The following AGBL4 variants were observed in gnomAD, a reference collection of about 807,000 sequenced individuals.
AGBL4 encodes cytosolic carboxypeptidase 6.
A neutral mutation model predicts 66.4 loss-of-function variants in AGBL4; 58 were observed. The ratio of observed to expected loss-of-function variants is 0.87; its 90% CI spans 0.71 to 1.09. The LOEUF (loss-of-function observed/expected upper bound fraction) is 1.09, where lower values mean the gene tolerates loss of function less well. Among genes scored for constraint, AGBL4 ranks in the 50% least tolerant of loss-of-function variants. The probability of loss-of-function intolerance (pLI) is 0.00; values close to 1 mark genes in which losing one functional copy is unlikely to be tolerated. For missense variants in AGBL4, 579 were observed against 631.0 expected, an observed-to-expected ratio of 0.92 and a Z score of 0.88; for synonymous variants, 234 against 222.9, an observed-to-expected ratio of 1.05 and a Z score of -0.44.
chr1:49,128,923 A>C (rs1645823833), intron 4 of AGBL4, among the ~76,000 whole-genome samples: 1 of 152,148 alleles, frequency 6.6e-6, no homozygotes, highest in Admixed American at 6.6e-5. Flanking sequence ...AGAAAATGCA[A>C]AATAAAGCCA....
chr1:49,750,830 A>G (rs887414772), intron 2 of AGBL4, among the ~76,000 whole-genome samples: 9 of 151,960 alleles, frequency 5.9e-5, no homozygotes, highest in Non-Finnish European at 8.8e-5. Context: ...ATTCCTAGGT[A>G]TTTTATTCTC....
chr1:48,699,348 A>G (rs1024925199), intron 6 of AGBL4, among the ~76,000 whole-genome samples: 2 of 152,242 alleles, frequency 1.3e-5, no homozygotes, highest in Admixed American at 1.3e-4. Context: ...AATTCTTGGC[A>G]CATAGTAGGC....
chr1:49,623,567 C>T (rs1220112543), intron 3 of AGBL4, among the ~76,000 whole-genome samples: 1 of 152,164 alleles, frequency 6.6e-6, no homozygotes, highest in Non-Finnish European at 1.5e-5. Context: ...TTTACAAGGT[C>T]CTTTTACCCG....
rs574820274 is a variant in AGBL4 at position 49,379,737 on chromosome 1, T to A, written c.283-133873A>T. On this transcript the variant is annotated intron_variant, in intron 3 of 13. Coordinates refer to ENST00000371839, the MANE Select transcript of AGBL4 (RefSeq NM_032785.4). ...CATCCCAGGGATGAAGCCCACTTGATCATGGTGGATAAGCTTTTTGATGTG... is the reference window on the plus strand; with the variant it reads ...CATCCCAGGGATGAAGCCCACTTGAACATGGTGGATAAGCTTTTTGATGTG... Among the ~76,000 whole-genome samples the A allele has an allele frequency of 5.9e-5, 9 of 152,236 alleles. No homozygotes were observed. The East Asian group carries it at 1.7e-3, about 29-fold the overall frequency.
intron 1 of AGBL4, among the ~76,000 whole-genome samples, chr1:49,990,294 A>G (rs945291371): frequency 5.9e-5 from 9 of 152,116 alleles, no homozygotes; most frequent in African/African-American, 2.2e-4. Flanking sequence ...GTGTTGAGAG[A>G]GGAAACTGGT....
intron 3 of AGBL4, among the ~76,000 whole-genome samples, chr1:49,646,331 G>A (rs1049320232): frequency 2.6e-5 from 4 of 151,874 alleles, no homozygotes; most frequent in Admixed American, 6.6e-5. Context: ...TAATAAGTGA[G>A]CTCAGCAAGA....
intron 3 of AGBL4, among the ~76,000 whole-genome samples, chr1:49,672,074 T>C (rs1408866721): frequency 6.6e-6 from 1 of 152,010 alleles, no homozygotes; most frequent in Admixed American, 6.6e-5. Flanking sequence ...AGCACAGACA[T>C]AGAATCAACC....
Position 48,534,161 on chromosome 1 carries a change from G to C in AGBL4, c.*12C>G. 1 of 1,551,438 alleles carries C rather than the reference G, an allele frequency of 6.4e-7. No individual in the cohort carries two copies. Among genetic ancestry groups the C allele is most frequent in the Non-Finnish European group, 8.7e-7 (1 of 1,146,850 alleles). On this transcript the variant is annotated 3_prime_UTR_variant, in exon 14 of 14. Coordinates refer to ENST00000371839, the MANE Select transcript of AGBL4 (RefSeq NM_032785.4). The stretch of plus-strand genomic sequence containing the variant: ...CTCCTGTCCCCATAAGACCTCCCAG[G>C]ACTCCGTGTCTTTAAAAAGGGGTTG...
At chr1:49,343,794 C>A (rs1645587257) in intron 3 of AGBL4, among the ~76,000 whole-genome samples, 1 of 152,122 alleles carries the variant, frequency 6.6e-6, no homozygotes, top group South Asian at 2.1e-4. Context: ...TGAATGAGCT[C>A]TGATTAACTG....
intron 2 of AGBL4, among the ~76,000 whole-genome samples, chr1:49,746,634 T>A (rs1651007894): frequency 6.6e-6 from 1 of 152,092 alleles, no homozygotes; most frequent in South Asian, 2.1e-4. Context: ...AGATCTTTGA[T>A]GATGTGCTAA....
chr1:49,654,968 A>T (rs968599340), intron 3 of AGBL4, among the ~76,000 whole-genome samples: 3 of 152,148 alleles, frequency 2.0e-5, no homozygotes, highest in Non-Finnish European at 2.9e-5. Context: ...TGTCATGATG[A>T]TGTTAGCTGG....
At chr1:48,586,867 A>G in intron 11 of AGBL4, 137 bp downstream of exon 11, 2 of 1,127,224 alleles carry the variant, frequency 1.8e-6, no homozygotes, top group Non-Finnish European at 2.6e-6. Context: ...AGACGCCACC[A>G]GAAGAAGAAG....
At chr1:49,296,967 C>A (rs1364782834) in intron 3 of AGBL4, among the ~76,000 whole-genome samples, 1 of 152,162 alleles carries the variant, frequency 6.6e-6, no homozygotes, top group Non-Finnish European at 1.5e-5. Flanking sequence ...CAAAAAAGAC[C>A]CAATATCTTA....
chr1:49,107,692 TGTGA>T (rs1201868504), intron 4 of AGBL4, among the ~76,000 whole-genome samples: 130 of 117,816 alleles, frequency 1.1e-3, no homozygotes, highest in African/African-American at 3.2e-3. Flanking sequence ...TGTGTGTGTG[TGTGA>T]GAGAGAGAGA....
At chr1:49,257,118 AT>A (rs1652580520) in intron 3 of AGBL4, among the ~76,000 whole-genome samples, 1 of 152,178 alleles carries the variant, frequency 6.6e-6, no homozygotes, top group African/African-American at 2.4e-5. Flanking sequence ...ACAAAAAAAA[AT>A]ACTATGCAAA....
chr1:48,689,439 T>A (rs1646592422), intron 6 of AGBL4, among the ~76,000 whole-genome samples: 2 of 145,210 alleles, frequency 1.4e-5, no homozygotes, highest in Admixed American at 1.4e-4. Context: ...CTTCTTTCCT[T>A]CCCTCCCTCC....
intron 1 of AGBL4, among the ~76,000 whole-genome samples, chr1:50,003,380 G>T (rs1660909530): frequency 6.6e-6 from 1 of 152,178 alleles, no homozygotes; most frequent in Non-Finnish European, 1.5e-5. Context: ...AGTTTCCTTA[G>T]ATTCAGAAAA....
chr1:49,391,458 G>A (rs1442015549), intron 3 of AGBL4, among the ~76,000 whole-genome samples: 6 of 152,104 alleles, frequency 3.9e-5, no homozygotes, highest in Non-Finnish European at 1.5e-5. Context: ...CAAAGACAGT[G>A]GCAGTGTGGA....
At chr1:49,003,100 T>G (rs1170017683) in intron 5 of AGBL4, among the ~76,000 whole-genome samples, 1 of 152,078 alleles carries the variant, frequency 6.6e-6, no homozygotes, top group African/African-American at 2.4e-5. Flanking sequence ...TGATGAAACA[T>G]TAAAAATAAA....
Sources: allele counts gnomAD v4.1 joint callset (sites outside exome capture counted in the v4.1 genomes callset), GRCh38; gene constraint gnomAD v4.1.1; transcripts MANE v1.5; gene names NCBI Gene and HGNC (gene_info 2026-07-23, HGNC 2026-07-21).